ATAD2: variants seen among roughly 807,000 people sequenced by gnomAD.
The protein encoded by ATAD2 is ATPase family AAA domain-containing protein 2.
ATAD2 carries 62 observed loss-of-function variants against 168.9 expected under a neutral mutation model. The ratio of observed to expected loss-of-function variants is 0.37; its 90% CI spans 0.30 to 0.45. The LOEUF is 0.45. Among genes scored for constraint, ATAD2 ranks in the 20% least tolerant of loss-of-function variants. The pLI, the probability that ATAD2 is intolerant of heterozygous loss-of-function variation, is 1.00. For synonymous variants in ATAD2, 613 were observed against 571.6 expected, an observed-to-expected ratio of 1.07 and a Z score of -1.03; for missense variants, 1,419 against 1,667.8, an observed-to-expected ratio of 0.85 and a Z score of 2.60.
Position 123,328,797 on chromosome 8 carries a change from A to AT in ATAD2, c.3479-219_3479-218insA, listed in dbSNP as rs1827687020. On this transcript the variant is annotated intron_variant, in intron 24 of 27. Coordinates refer to ENST00000287394, the MANE Select transcript of ATAD2 (RefSeq NM_014109.4). ...GTAAAAAATTTTGATTTTATCTTGAAATTTTTTTTTTTTTTTTTTTTGAGA... is the reference window on the plus strand; with the variant it reads ...GTAAAAAATTTTGATTTTATCTTGAATATTTTTTTTTTTTTTTTTTTTGAGA... Among the ~76,000 whole-genome samples the AT allele has an allele frequency of 3.2e-4, 26 of 80,046 alleles. No homozygotes were observed. The South Asian group carries it at 8.2e-3, about 25-fold the overall frequency. The allele number at this position is 80,046 out of a possible 152,430, so 52.5% of individuals were successfully genotyped here.
chr8:123,376,081 G>T (rs1436253060), intron 2 of ATAD2, among the ~76,000 whole-genome samples: 1 of 150,352 alleles, frequency 6.7e-6, no homozygotes, highest in African/African-American at 2.5e-5. Context: ...TTCCAGCCTG[G>T]GCGACAGAGC....
rs1586879019 is a variant in ATAD2 at position 123,356,433 on chromosome 8, A to G, written c.1602T>C (p.Asp534=). 1 of 1,612,568 alleles carries G rather than the reference A, an allele frequency of 6.2e-7. No individual in the cohort carries two copies. Among genetic ancestry groups the G allele is most frequent in the South Asian group, 1.1e-5 (1 of 90,856 alleles). The part of the protein sequence containing the change: ...RPSIIFFDEI[D]GLAPVRSSRQ... ...TGCTTGACCGTACTGGAGCCAGACC[A>G]TCAATTTCGTCAAAAAAAATAATTG... is the stretch of plus-strand genomic sequence containing the variant. The change falls in exon 13 of 28, where the codon GAT becomes GAC. Residue 534 remains aspartate, a synonymous_variant. Transcript: ENST00000287394.
intron 7 of ATAD2, chr8:123,369,497 G>A (rs1712512419): frequency 3.3e-6 from 1 of 299,000 alleles, no homozygotes; most frequent in Non-Finnish European, 6.1e-6. Context: ...CAAGTACTGT[G>A]GTATAATATT....
chr8:123,327,557 A>G (rs1247124007), intron 25 of ATAD2, among the ~76,000 whole-genome samples: 2 of 152,086 alleles, frequency 1.3e-5, no homozygotes, highest in African/African-American at 4.8e-5. Context: ...ATTTTTGACC[A>G]AAATAAATTT....
At chr8:123,351,484 C>T (rs906106104) in intron 13 of ATAD2, among the ~76,000 whole-genome samples, 3 of 152,142 alleles carry the variant, frequency 2.0e-5, no homozygotes, top group African/African-American at 7.2e-5. Context: ...TAAAAAACGA[C>T]AGGTCTAGAT....
rs1047379040 is a variant in ATAD2, at chr8:123,371,714, A to G, written c.492T>C (p.Tyr164=). The change falls in exon 4 of 28, where the codon TAT becomes TAC. Residue 164 remains tyrosine (Y), a synonymous_variant. Transcript: ENST00000287394. ...ACAGCATGGACTGGTTTACACCACT[A>G]TAACGACTTCTAATCCTACAACTTC... is the stretch of plus-strand genomic sequence containing the variant. ...VRRSCRIRSR[Y]SGVNQSMLFD... is the part of the protein sequence containing the mutation. The G allele has an allele frequency of 5.6e-6, 9 of 1,613,350 alleles. No individual in the cohort carries two copies. Among genetic ancestry groups the G allele is most frequent in the South Asian group, 5.5e-5 (5 of 90,972 alleles).
chr8:123,358,956 G>A lies in ATAD2; in HGVS notation c.1382+265C>T, dbSNP rs2131361332. 1.3e-5 allele frequency among the ~76,000 whole-genome samples: 2 copies of A among 151,742 alleles called. 1 individual carries two copies. Among genetic ancestry groups the A allele is most frequent in the South Asian group, 4.2e-4 (2 of 4,796 alleles). On this transcript the variant is annotated intron_variant, in intron 11 of 27. Transcript: ENST00000287394. ...TGAGCTCAGGTAATCCACCCGCCTTGGCCCCCCAAAGTGCTGGGATTACAG... is the reference window on the plus strand; with the variant it reads ...TGAGCTCAGGTAATCCACCCGCCTTAGCCCCCCAAAGTGCTGGGATTACAG...
At chr8:123,347,929 C>A in intron 15 of ATAD2, 1 of 502,610 alleles carries the variant, frequency 2.0e-6, no homozygotes, top group Non-Finnish European at 3.5e-6. Flanking sequence ...ATTATCTACT[C>A]TGCCCCTGAT....
At chr8:123,395,722 G>A (rs142130070) in intron 1 of ATAD2, among the ~76,000 whole-genome samples, 7 of 152,246 alleles carry the variant, frequency 4.6e-5, no homozygotes, top group African/African-American at 1.4e-4. Context: ...GTTAATGGAG[G>A]TCAGAGAACC....
At chr8:123,352,823 G>A (rs561731043) in intron 13 of ATAD2, among the ~76,000 whole-genome samples, 1 of 152,118 alleles carries the variant, frequency 6.6e-6, no homozygotes, top group Admixed American at 6.5e-5. Flanking sequence ...CAGCACTTTG[G>A]GAGCCTGAGG....
chr8:123,373,498 A>G (rs1829211792), intron 2 of ATAD2, among the ~76,000 whole-genome samples: 1 of 152,066 alleles, frequency 6.6e-6, no homozygotes, highest in Non-Finnish European at 1.5e-5. Flanking sequence ...AAATATACTG[A>G]AAAAAATAGG....
At chr8:123,357,356 C>T (rs1348478257) in intron 12 of ATAD2, among the ~76,000 whole-genome samples, 1 of 152,142 alleles carries the variant, frequency 6.6e-6, no homozygotes, top group Non-Finnish European at 1.5e-5. Context: ...AACTAAGATC[C>T]AATTATTTCT....
At chr8:123,396,535 A>G (rs1282256694), upstream of ATAD2, 14 of 618,272 alleles carry the variant, frequency 2.3e-5, no homozygotes, top group Non-Finnish European at 3.5e-5. Context: ...ACCGTAGAAC[A>G]GCAGGCTCGA....
chr8:123,335,428 T>C (rs1228428021), intron 22 of ATAD2, among the ~76,000 whole-genome samples: 1 of 152,094 alleles, frequency 6.6e-6, no homozygotes, highest in Non-Finnish European at 1.5e-5. Flanking sequence ...TTTAGTAGTT[T>C]CCTATACTAA....
In ATAD2 at chr8:123,396,392, G is replaced by A. The variant is rs764106267; in HGVS notation, c.-35C>T. The A allele has an allele frequency of 6.5e-6, 10 of 1,528,996 alleles. No individual in the cohort carries two copies. The Admixed American group carries it at 7.7e-5, about 12-fold the overall frequency. The allele number at this position is 1,528,996 out of a possible 1,614,324, so 94.7% of individuals were successfully genotyped here. A position where few individuals can be genotyped will look rare whatever the true frequency, so the allele number is the denominator to read the frequency against. ...CTACTGGCCTCGGCGTGCGCGACCG[G>A]AGAGAGATCCAGCTCCAGGCGCTCG... On this transcript the variant is annotated 5_prime_UTR_variant, in exon 1 of 28. Transcript: ENST00000287394.
At chr8:123,377,319 G>A (rs12676358) in intron 2 of ATAD2, among the ~76,000 whole-genome samples, 1 of 151,868 alleles carries the variant, frequency 6.6e-6, no homozygotes, top group East Asian at 1.9e-4. Flanking sequence ...ATATATTTTA[G>A]AAATAATCTA....
At chr8:123,349,244 C>A in intron 14 of ATAD2, 41 bp downstream of exon 14, 1 of 1,579,408 alleles carries the variant, frequency 6.3e-7, no homozygotes, top group East Asian at 2.2e-5. Context: ...TAATAAACAG[C>A]AATATATTTT....
intron 11 of ATAD2, 50 bp from the exon 12 acceptor site, chr8:123,357,786 T>G (rs570166425): frequency 6.7e-7 from 1 of 1,496,276 alleles, no homozygotes; most frequent in Non-Finnish European, 8.9e-7. Flanking sequence ...AAAGCAGACT[T>G]TTAAAACAAA....
At chr8:123,323,217 A>C (rs1197410695) in intron 26 of ATAD2, 151 bp from the exon 27 acceptor site, 6 of 724,094 alleles carry the variant, frequency 8.3e-6, no homozygotes, top group East Asian at 5.8e-5. Context: ...AGTGGCTCTG[A>C]CATTTAAATG....
Sources: gnomAD v4.1 joint callset for allele counts (sites outside exome capture counted in the v4.1 genomes callset) on GRCh38, gnomAD v4.1.1 for gene constraint, MANE v1.5 for transcripts, NCBI Gene and HGNC (gene_info 2026-07-23, HGNC 2026-07-21) for gene names.